The following AZIN2 variants were observed in gnomAD, a reference collection of about 807,000 sequenced individuals.
AZIN2 encodes the protein ODC antizyme inhibitor-2.
In AZIN2, 28 loss-of-function variants were observed where a neutral mutation model predicts 47.8. That is an observed-to-expected ratio of 0.59 (90% CI 0.43 to 0.80). The LOEUF (loss-of-function observed/expected upper bound fraction) is 0.80, where lower values mean the gene tolerates loss of function less well. AZIN2 is among the 30% of genes least tolerant of loss of function. The pLI, the probability that AZIN2 is intolerant of heterozygous loss-of-function variation, is 0.00. For synonymous variants in AZIN2, 221 were observed against 239.4 expected (o/e 0.92, Z 0.71); for missense variants, 535 against 582.5 (o/e 0.92, Z 0.84).
At chr1:33,137,835 C>T in the AZIN2 span, among the ~76,000 whole-genome samples, 3 of 152,168 alleles carry the variant, frequency 2.0e-5, no homozygotes, top group Non-Finnish European at 2.9e-5. Flanking sequence ...GAGGCACTGT[C>T]GCTTGCCCAA....
chr1:33,092,179 G>T lies in AZIN2; in HGVS notation c.409G>T (p.Glu137Ter). 1 of 1,614,202 alleles carries T rather than the reference G, an allele frequency of 6.2e-7. No homozygotes were observed. Among genetic ancestry groups the T allele is most frequent in the South Asian group, 1.1e-5 (1 of 91,088 alleles). The stretch of plus-strand genomic sequence containing the variant: ...GATCCAGCTGCTGAGCTTTGACAAT[G>T]AGATGGAGCTGGCAAAGGTGGTAAA... Reference protein sequence around the residue: ...HGIQLLSFDNEMELAKVVKSH... With the variant: ...HGIQLLSFDN Residue 137 changes from glutamate (E) to a stop codon, truncating the protein, a stop_gained, in exon 6 of 12, where the codon GAG becomes TAG. Coordinates refer to ENST00000294517, the MANE Select transcript of AZIN2 (RefSeq NM_052998.4). LOFTEE classifies it high-confidence loss of function.
chr1:33,114,789 T>C (rs1322978898), intron 10 of AZIN2, among the ~76,000 whole-genome samples: 1 of 151,420 alleles, frequency 6.6e-6, no homozygotes, highest in Non-Finnish European at 1.5e-5. Flanking sequence ...CCTGAGTAGC[T>C]GGGATTACAC....
At chr1:33,104,602 A>G (rs1643909277) in intron 10 of AZIN2, among the ~76,000 whole-genome samples, 1 of 152,198 alleles carries the variant, frequency 6.6e-6, no homozygotes, top group Admixed American at 6.5e-5. Flanking sequence ...TTTAACACAA[A>G]TAGTAAAATA....
At chr1:33,131,381 A>C in the AZIN2 span, among the ~76,000 whole-genome samples, 1 of 151,756 alleles carries the variant, frequency 6.6e-6, no homozygotes, top group Non-Finnish European at 1.5e-5. Flanking sequence ...CTTTTTAGCC[A>C]CTCCTGCAGG....
At chr1:33,140,615 C>G in the AZIN2 span, among the ~76,000 whole-genome samples, 4 of 152,220 alleles carry the variant, frequency 2.6e-5, no homozygotes, top group African/African-American at 9.7e-5. The surrounding 1 kb of genome is among the most constrained non-coding windows in gnomAD (Gnocchi z 4.0). Context: ...TCAGGGAACC[C>G]CCTTGGGCCA....
Position 33,082,392 on chromosome 1 carries a change from T to C in AZIN2, c.105+38T>C, listed in dbSNP as rs762686768. On this transcript the variant is annotated intron_variant, in intron 4 of 11. Coordinates refer to ENST00000294517, the MANE Select transcript of AZIN2 (RefSeq NM_052998.4). ...GAATGGGGGTGGGTCCCCGGTCCCC[T>C]GTACAGATCAGCTGCCTCCTCAGGA... is the stretch of plus-strand genomic sequence containing the variant. The C allele has an allele frequency of 1.3e-4, 203 of 1,511,582 alleles. 1 individual carries two copies. In the East Asian group the frequency reaches 4.6e-3, roughly 34 times the overall value. The allele number at this position is 1,511,582 out of a possible 1,614,324, so 93.6% of individuals were successfully genotyped here. A position where few individuals can be genotyped will look rare whatever the true frequency, so the allele number is the denominator to read the frequency against.
At chr1:33,130,009 G>T in the AZIN2 span, among the ~76,000 whole-genome samples, 1 of 152,156 alleles carries the variant, frequency 6.6e-6, no homozygotes, top group Non-Finnish European at 1.5e-5. Context: ...ACAGGCATGA[G>T]CCACCATGCC....
Position 33,082,237 on chromosome 1 carries a change from C to A in AZIN2, c.-13C>A, listed in dbSNP as rs1641353212. On this transcript the variant is annotated 5_prime_UTR_variant, in exon 4 of 12. Coordinates refer to ENST00000294517, the MANE Select transcript of AZIN2 (RefSeq NM_052998.4). ...AGCGGCTCCATCCAGCCCGTCAGCT[C>A]CTCCTGCAAGGCATGGCTGGCTACC... 3 of 1,611,574 alleles carry A rather than the reference C, an allele frequency of 1.9e-6. No homozygotes were observed. Among genetic ancestry groups the A allele is most frequent in the Admixed American group, 1.7e-5 (1 of 59,994 alleles).
At chr1:33,110,107 T>C (rs1644222441) in intron 10 of AZIN2, among the ~76,000 whole-genome samples, 3 of 152,110 alleles carry the variant, frequency 2.0e-5, no homozygotes, top group Non-Finnish European at 4.4e-5. Flanking sequence ...CTACAGAGAA[T>C]GGCAGCAAGA....
intron 10 of AZIN2, among the ~76,000 whole-genome samples, chr1:33,105,592 G>A (rs1643962323): frequency 6.6e-6 from 1 of 152,106 alleles, no homozygotes; most frequent in Non-Finnish European, 1.5e-5. Flanking sequence ...AAAACCATCA[G>A]CTCTCATGAG....
intron 3 of AZIN2, 164 bp from the exon 4 acceptor site, chr1:33,082,014 C>T (rs1641317480): frequency 3.7e-6 from 2 of 547,126 alleles, no homozygotes; most frequent in Admixed American, 3.1e-5. Context: ...GCCTTGTCTC[C>T]GTCTGAAATC....
At chr1:33,147,761 G>C in the AZIN2 span, 2 of 1,590,984 alleles carry the variant, frequency 1.3e-6, no homozygotes. This position sits in a 1 kb window ranked among gnomAD's most constrained non-coding sequence, Gnocchi z 8.1. Flanking sequence ...GAAGATGAGT[G>C]GGGAGAAGGC....
At chr1:33,159,781 C>A in the AZIN2 span, 4 of 1,613,620 alleles carry the variant, frequency 2.5e-6, no homozygotes, top group African/African-American at 5.3e-5. This position sits in a 1 kb window ranked among gnomAD's most constrained non-coding sequence, Gnocchi z 4.2. Context: ...CTGGACCTTG[C>A]GCAGCTGCTG....
In AZIN2 at chr1:33,098,174, CAGA is replaced by C; in HGVS notation, c.1027_1029del (p.Lys344del). On this transcript the variant is annotated inframe_deletion and splice_region_variant, in exon 10 of 12. Coordinates refer to ENST00000294517, the MANE Select transcript of AZIN2 (RefSeq NM_052998.4). ...CAACATCTGCCCTACCCCCATCCTGCAGAAGGTGAGCTTACCCCACGTGGGCCT... is the reference window on the plus strand; with the variant it reads ...CAACATCTGCCCTACCCCCATCCTGCAGGTGAGCTTACCCCACGTGGGCCT... 2 of 1,608,210 alleles carry C rather than the reference CAGA, an allele frequency of 1.2e-6. No individual in the cohort carries two copies. Among genetic ancestry groups the C allele is most frequent in the South Asian group, 2.2e-5 (2 of 90,074 alleles).
rs569755939 is a variant in AZIN2 at position 33,121,426 on chromosome 1, G to A, written c.*1244G>A. Among the ~76,000 whole-genome samples, 76 of 152,224 alleles carry A rather than the reference G, an allele frequency of 5.0e-4. No homozygotes were observed. The highest frequency in any genetic ancestry group is 9.1e-4 in the Non-Finnish European group (62 of 68,014). Reference sequence around the variant, plus strand: ...AAAAATACAAAAATTAGCCAGGTGTGGTGGTATGTGCCTGTAATTCCAGCT... The same window carrying A: ...AAAAATACAAAAATTAGCCAGGTGTAGTGGTATGTGCCTGTAATTCCAGCT... On this transcript the variant is annotated 3_prime_UTR_variant, in exon 12 of 12. Transcript: ENST00000294517.
At chr1:33,152,308 G>A in the AZIN2 span, among the ~76,000 whole-genome samples, 1 of 152,226 alleles carries the variant, frequency 6.6e-6, no homozygotes, top group Non-Finnish European at 1.5e-5. Flanking sequence ...GCTCACGCCC[G>A]TAATTCCAGC....
the AZIN2 span, among the ~76,000 whole-genome samples, chr1:33,134,251 A>G: frequency 6.6e-6 from 1 of 152,232 alleles, no homozygotes; most frequent in Admixed American, 6.5e-5. Context: ...TGATCCTCAC[A>G]GCAACCCAGC....
chr1:33,083,831 T>C, intron 4 of AZIN2, 123 bp from the exon 5 acceptor site: 4 of 1,215,186 alleles, frequency 3.3e-6, no homozygotes, highest in Non-Finnish European at 3.5e-6. Context: ...CCAGAAAACT[T>C]AGCAGCAGGG....
chr1:33,081,849 T>TC lies in AZIN2; in HGVS notation c.-73+41dup, dbSNP rs1641297425. 3.7e-6 allele frequency: 1 copy of TC among 273,238 alleles called. No individual in the cohort carries two copies. The highest frequency in any genetic ancestry group is 7.2e-6 in the Non-Finnish European group (1 of 139,056). 16.9% of individuals were successfully genotyped at this position (273,238 alleles called of 1,614,324 possible). On this transcript the variant is annotated intron_variant, in intron 3 of 11. Transcript: ENST00000294517. This position sits in a 1 kb window ranked among gnomAD's most constrained non-coding sequence, Gnocchi z 4.2. ...CAAGACTGGGGGCGCCCTGGAAACT[T>TC]CCCCACCCAAGTTTCTCAGATTTTC...
Sources: allele counts gnomAD v4.1 joint callset (sites outside exome capture counted in the v4.1 genomes callset), GRCh38; gene constraint gnomAD v4.1.1; non-coding constraint Gnocchi (gnomAD v3.1); transcripts MANE v1.5; gene names NCBI Gene and HGNC (gene_info 2026-07-23, HGNC 2026-07-21).